MYO5B: variants seen among roughly 807,000 people sequenced by gnomAD.
MYO5B encodes unconventional myosin-Vb.
Under a neutral mutation model 229.3 loss-of-function variants are expected in MYO5B, and 143 were observed. The ratio of observed to expected loss-of-function variants is 0.62; its 90% CI spans 0.54 to 0.72. MYO5B has a LOEUF of 0.72. Among genes scored for constraint, MYO5B ranks in the 30% least tolerant of loss-of-function variants. The pLI, the probability that MYO5B is intolerant of heterozygous loss-of-function variation, is 0.00. For synonymous variants in MYO5B, 918 were observed against 885.2 expected (o/e 1.04, Z -0.66); for missense variants, 2,321 against 2,331.0 (o/e 1.00, Z 0.09).
At chr18:49,900,292 T>C (rs1201554458) in intron 21 of MYO5B, among the ~76,000 whole-genome samples, 3 of 152,234 alleles carry the variant, frequency 2.0e-5, no homozygotes, top group African/African-American at 7.2e-5. Context: ...CCTTTTCCTT[T>C]GCACTCTTTT....
At chr18:50,037,039 C>T (rs774907653) in intron 3 of MYO5B, 45 bp from the exon 4 acceptor site, 10 of 1,612,212 alleles carry the variant, frequency 6.2e-6, no homozygotes, top group Non-Finnish European at 8.5e-6. Context: ...ACAGAAGACA[C>T]CTGGCATTAT....
At chr18:50,136,948 T>C (rs1024745102) in intron 1 of MYO5B, among the ~76,000 whole-genome samples, 1 of 152,208 alleles carries the variant, frequency 6.6e-6, no homozygotes, top group African/African-American at 2.4e-5. Context: ...TAGGCACTTG[T>C]GTATTATAGT....
intron 27 of MYO5B, among the ~76,000 whole-genome samples, chr18:49,866,818 T>A (rs1303804073): frequency 6.6e-6 from 1 of 152,076 alleles, no homozygotes; most frequent in East Asian, 1.9e-4. Context: ...CACTATGACA[T>A]GAGTGAATCC....
At chr18:49,902,559 C>A in intron 21 of MYO5B, 35 bp downstream of exon 21, 1 of 1,605,726 alleles carries the variant, frequency 6.2e-7, no homozygotes. Context: ...GTACCCAAGC[C>A]CCCGACACCC....
chr18:50,032,170 C>G (rs2026397493), intron 4 of MYO5B, among the ~76,000 whole-genome samples: 1 of 152,186 alleles, frequency 6.6e-6, no homozygotes, highest in Non-Finnish European at 1.5e-5. Flanking sequence ...GTCTCCTGGC[C>G]ATGTCTTTTT....
chr18:50,103,316 AG>A (rs2031690311), intron 1 of MYO5B, among the ~76,000 whole-genome samples: 1 of 151,912 alleles, frequency 6.6e-6, no homozygotes, highest in Non-Finnish European at 1.5e-5. Flanking sequence ...TAAACTATGG[AG>A]GCTGGGAAGG....
chr18:49,982,035 C>G (rs1005497176), intron 8 of MYO5B, among the ~76,000 whole-genome samples: 1 of 152,074 alleles, frequency 6.6e-6, no homozygotes, highest in Admixed American at 6.5e-5. Context: ...GGTACCATCA[C>G]GGAACAAGAA....
intron 25 of MYO5B, among the ~76,000 whole-genome samples, chr18:49,876,981 G>A (rs773028267): frequency 7.2e-5 from 11 of 152,194 alleles, no homozygotes; most frequent in Non-Finnish European, 1.3e-4. Context: ...TCAGATGAGG[G>A]CAAGGACTTC....
intron 2 of MYO5B, among the ~76,000 whole-genome samples, chr18:50,046,346 G>A (rs900697860): frequency 2.0e-5 from 3 of 152,158 alleles, no homozygotes; most frequent in Non-Finnish European, 2.9e-5. Context: ...AGTTCTCCAG[G>A]GGTTTGTAAT....
chr18:49,944,323 C>T (rs1190138149), intron 14 of MYO5B, among the ~76,000 whole-genome samples: 2 of 152,116 alleles, frequency 1.3e-5, no homozygotes, highest in African/African-American at 4.8e-5. Flanking sequence ...AGCAACAATG[C>T]ACCACAGAGA....
intron 10 of MYO5B, among the ~76,000 whole-genome samples, chr18:49,966,324 A>C (rs1424958826): frequency 6.6e-6 from 1 of 152,214 alleles, no homozygotes; most frequent in Non-Finnish European, 1.5e-5. Context: ...TGAAAAAACA[A>C]GATCAAAGAT....
At chr18:50,025,590 A>G (rs1199769224) in intron 4 of MYO5B, among the ~76,000 whole-genome samples, 1 of 152,214 alleles carries the variant, frequency 6.6e-6, no homozygotes, top group Non-Finnish European at 1.5e-5. Flanking sequence ...CTGTAACAGT[A>G]TATGTTTATT....
intron 14 of MYO5B, among the ~76,000 whole-genome samples, chr18:49,941,115 A>G (rs557641809): frequency 6.6e-6 from 1 of 152,324 alleles, no homozygotes; most frequent in South Asian, 2.1e-4. Context: ...ATGGACAATC[A>G]TGCGGGAATC....
chr18:49,969,118 C>T (rs905280436), intron 10 of MYO5B, among the ~76,000 whole-genome samples: 2 of 152,172 alleles, frequency 1.3e-5, no homozygotes, highest in Non-Finnish European at 2.9e-5. Flanking sequence ...TGCATGTCCT[C>T]CCTGAAGAAG....
chr18:49,883,410 T>C (rs1214018272), intron 22 of MYO5B, among the ~76,000 whole-genome samples: 2 of 149,856 alleles, frequency 1.3e-5, no homozygotes, highest in African/African-American at 5.1e-5. Flanking sequence ...GCATAAAATA[T>C]TTAGGAATAA....
At chr18:49,884,344 A>G (rs969947287) in intron 22 of MYO5B, among the ~76,000 whole-genome samples, 2 of 152,074 alleles carry the variant, frequency 1.3e-5, no homozygotes, top group Admixed American at 6.6e-5. Flanking sequence ...AGCACTTTAT[A>G]TTTATTATAT....
intron 1 of MYO5B, among the ~76,000 whole-genome samples, chr18:50,091,087 G>A (rs1037435977): frequency 1.3e-5 from 2 of 152,190 alleles, no homozygotes; most frequent in Non-Finnish European, 2.9e-5. Flanking sequence ...CCAGTTAGTG[G>A]AGGCCCCACC....
chr18:49,951,446 C>G (rs755803934), intron 14 of MYO5B, among the ~76,000 whole-genome samples: 1 of 152,112 alleles, frequency 6.6e-6, no homozygotes, highest in Non-Finnish European at 1.5e-5. Flanking sequence ...ATGAGATTAA[C>G]TACATGTGTC....
chr18:49,954,530 T>G (rs2025469934), intron 12 of MYO5B, 95 bp from the exon 13 acceptor site: 1 of 1,506,852 alleles, frequency 6.6e-7, no homozygotes, highest in African/African-American at 1.4e-5. Context: ...GCTGGCTCTG[T>G]GAAGGTTGAT....
Sources: gnomAD v4.1 joint callset for allele counts (sites outside exome capture counted in the v4.1 genomes callset) on GRCh38, gnomAD v4.1.1 for gene constraint, MANE v1.5 for transcripts, NCBI Gene and HGNC (gene_info 2026-07-23, HGNC 2026-07-21) for gene names.